The following MFSD11 variants were observed in gnomAD, a reference collection of about 807,000 sequenced individuals.
The protein encoded by MFSD11 is UNC93-like protein MFSD11.
Under a neutral mutation model 53.5 loss-of-function variants are expected in MFSD11, and 36 were observed. The ratio of observed to expected loss-of-function variants is 0.67; its 90% CI spans 0.52 to 0.89. MFSD11 has a LOEUF of 0.89. Ranked by LOEUF, MFSD11 falls within the 40% of genes least tolerant of loss-of-function variation. MFSD11 has a pLI of 0.00. For synonymous variants in MFSD11, 186 were observed against 184.9 expected, an observed-to-expected ratio of 1.01 and a Z score of -0.05; for missense variants, 530 against 543.9, an observed-to-expected ratio of 0.97 and a Z score of 0.25.
At chr17:76,737,254 G>C (rs1004653292), upstream of MFSD11, 14 of 1,437,822 alleles carry the variant, frequency 9.7e-6, no homozygotes, top group East Asian at 1.5e-4. Context: ...GTTGCCTTCC[G>C]CGTGGGGACA....
chr17:76,791,815 A>G, the MFSD11 span, among the ~76,000 whole-genome samples: 4 of 146,454 alleles, frequency 2.7e-5, no homozygotes, highest in Non-Finnish European at 6.0e-5. Flanking sequence ...TGGGTTTGCT[A>G]TACAGCTGGT....
chr17:76,791,035 G>C, the MFSD11 span, among the ~76,000 whole-genome samples: 1 of 148,568 alleles, frequency 6.7e-6, no homozygotes, highest in Non-Finnish European at 1.5e-5. Context: ...TTAATACTAG[G>C]ATGTATATTT....
chr17:76,753,887 T>C (rs1321886210), intron 7 of MFSD11, among the ~76,000 whole-genome samples, 160 bp from the exon 8 acceptor site: 1 of 152,006 alleles, frequency 6.6e-6, no homozygotes, highest in Non-Finnish European at 1.5e-5. Context: ...GGTGTGGCCA[T>C]GAGGGACACC....
upstream of MFSD11, chr17:76,737,508 G>C (rs1394299868): frequency 6.4e-6 from 2 of 311,602 alleles, no homozygotes; most frequent in Middle Eastern, 8.7e-4. Flanking sequence ...GCCAAAAAGC[G>C]CGGAGTCACG....
At chr17:76,790,696 G>A in the MFSD11 span, among the ~76,000 whole-genome samples, 8 of 145,474 alleles carry the variant, frequency 5.5e-5, 1 homozygote, top group Admixed American at 2.0e-4. Context: ...GGTGGCTCAC[G>A]CCTATAATCC....
At chr17:76,750,920 C>G (rs1004163784) in intron 7 of MFSD11, among the ~76,000 whole-genome samples, 5 of 151,250 alleles carry the variant, frequency 3.3e-5, no homozygotes, top group Non-Finnish European at 2.9e-5. Flanking sequence ...TCTGCTGCCT[C>G]GGCCTCCCAA....
chr17:76,749,657 C>T (rs567795057), intron 7 of MFSD11, among the ~76,000 whole-genome samples: 9 of 152,080 alleles, frequency 5.9e-5, no homozygotes, highest in Non-Finnish European at 1.3e-4. Flanking sequence ...TTTGGGAGGC[C>T]GAGGTGGGCG....
intron 8 of MFSD11, 45 bp from the exon 9 acceptor site, chr17:76,767,341 T>G (rs766226027): frequency 8.4e-7 from 1 of 1,190,874 alleles, no homozygotes; most frequent in South Asian, 1.3e-5. Context: ...GTTTGTTTTA[T>G]TAACTAAAAT....
At chr17:76,762,866 A>G (rs973893098) in intron 8 of MFSD11, among the ~76,000 whole-genome samples, 2 of 150,462 alleles carry the variant, frequency 1.3e-5, no homozygotes, top group African/African-American at 4.9e-5. Flanking sequence ...TAAACTCCCC[A>G]CATTCCTTTT....
At chr17:76,751,806 T>C (rs1424036011) in intron 7 of MFSD11, among the ~76,000 whole-genome samples, 15 of 152,246 alleles carry the variant, frequency 9.9e-5, no homozygotes, top group Admixed American at 8.5e-4. Flanking sequence ...TGCATTATCT[T>C]ATTTAATTCC....
intron 10 of MFSD11, among the ~76,000 whole-genome samples, chr17:76,770,290 G>A (rs573168771): frequency 9.2e-4 from 139 of 151,770 alleles, no homozygotes; most frequent in African/African-American, 2.9e-3. Flanking sequence ...CGCCCACCTC[G>A]GCCTCCCAAA....
At chr17:76,795,490 CAAAAA>C in the MFSD11 span, among the ~76,000 whole-genome samples, 4 of 136,668 alleles carry the variant, frequency 2.9e-5, no homozygotes, top group African/African-American at 1.1e-4. Context: ...CTCCATCTCC[CAAAAA>C]AAAAAAATTA....
the MFSD11 span, among the ~76,000 whole-genome samples, chr17:76,798,538 A>C: frequency 2.0e-5 from 3 of 152,316 alleles, no homozygotes; most frequent in South Asian, 6.2e-4. Context: ...TACATGTGTT[A>C]TCAGAGAGGC....
intron 8 of MFSD11, among the ~76,000 whole-genome samples, chr17:76,759,606 C>T (rs1243983402): frequency 6.6e-6 from 1 of 152,034 alleles, no homozygotes; most frequent in African/African-American, 2.4e-5. Flanking sequence ...AGGTATGTAA[C>T]ACCATGCCTG....
downstream of MFSD11, among the ~76,000 whole-genome samples, chr17:76,784,685 A>G (rs558082028): frequency 2.3e-4 from 35 of 152,262 alleles, no homozygotes; most frequent in East Asian, 6.2e-3. Context: ...ACTTGAGGTC[A>G]GGAGTTCGAG....
rs1300921508 is a variant in MFSD11 at position 76,778,572 on chromosome 17, A to G, written c.*220A>G. 6 of 479,338 alleles carry G rather than the reference A, an allele frequency of 1.3e-5. No individual in the cohort carries two copies. Among genetic ancestry groups the G allele is most frequent in the African/African-American group, 1.9e-5 (1 of 52,024 alleles). 29.7% of individuals were successfully genotyped at this position (479,338 alleles called of 1,614,324 possible). On this transcript the variant is annotated 3_prime_UTR_variant, in exon 13 of 13. Coordinates refer to ENST00000685175, the MANE Select transcript of MFSD11 (RefSeq NM_001242532.5). ...AGGGAAAGCTGTTCTGTCAACTGTA[A>G]TTGTTCAAAGATGTTGTTTTTCATT...
Position 76,778,518 on chromosome 17 carries a change from G to T in MFSD11, c.*166G>T. 1 of 602,824 alleles carries T rather than the reference G, an allele frequency of 1.7e-6. No individual in the cohort carries two copies. Among genetic ancestry groups the T allele is most frequent in the Non-Finnish European group, 2.8e-6 (1 of 354,542 alleles). The allele number at this position is 602,824 out of a possible 1,614,324, so 37.3% of individuals were successfully genotyped here. ...GCCAGAGTTGGTGTTCAAGTTTACAGATATGAGTTATTTAAAGCAAGTAGA... is the reference window on the plus strand; with the variant it reads ...GCCAGAGTTGGTGTTCAAGTTTACATATATGAGTTATTTAAAGCAAGTAGA... On this transcript the variant is annotated 3_prime_UTR_variant, in exon 13 of 13. Transcript: ENST00000685175.
chr17:76,767,378 G>A lies in MFSD11; in HGVS notation c.683-8G>A. The A allele has an allele frequency of 6.4e-7, 1 of 1,569,960 alleles. No homozygotes were observed. Among genetic ancestry groups the A allele is most frequent in the Non-Finnish European group, 8.7e-7 (1 of 1,145,250 alleles). On this transcript the variant is annotated splice_polypyrimidine_tract_variant and splice_region_variant and intron_variant, in intron 8 of 12. Coordinates refer to ENST00000685175, the MANE Select transcript of MFSD11 (RefSeq NM_001242532.5). ...TAATTAAGTACTCTTAAATTTTTGT[G>A]TTTACAGAAAAGTCTTTTAAGTTAT... is the stretch of plus-strand genomic sequence containing the variant.
the MFSD11 span, among the ~76,000 whole-genome samples, chr17:76,788,281 A>G: frequency 2.0e-5 from 3 of 149,184 alleles, no homozygotes; most frequent in Admixed American, 6.7e-5. Context: ...AGCTCAGGCA[A>G]TCCAACCACC....
Sources: allele counts gnomAD v4.1 joint callset (sites outside exome capture counted in the v4.1 genomes callset), GRCh38; gene constraint gnomAD v4.1.1; transcripts MANE v1.5; gene names NCBI Gene and HGNC (gene_info 2026-07-23, HGNC 2026-07-21).